The following TMPRSS15 variants were observed in gnomAD, a reference collection of about 807,000 sequenced individuals.
TMPRSS15 encodes the protein transmembrane serine protease 15, also known as enteropeptidase.
TMPRSS15 carries 128 observed loss-of-function variants against 125.3 expected under a neutral mutation model. That is an observed-to-expected ratio of 1.02 (90% CI 0.89 to 1.18). The LOEUF is 1.18. Ranked by LOEUF, TMPRSS15 falls within the 50% of genes most tolerant of loss-of-function variation. The pLI is 0.00. For synonymous variants in TMPRSS15, 446 were observed against 423.2 expected, an observed-to-expected ratio of 1.05 and a Z score of -0.66; for missense variants, 1,283 against 1,212.7, an observed-to-expected ratio of 1.06 and a Z score of -0.86.
intron 1 of TMPRSS15, among the ~76,000 whole-genome samples, chr21:18,409,234 T>C (rs2076159665): frequency 1.3e-5 from 2 of 152,128 alleles, no homozygotes; most frequent in South Asian, 4.1e-4. Context: ...ATGTGACATG[T>C]TTTATATCTG....
intron 18 of TMPRSS15, among the ~76,000 whole-genome samples, chr21:18,305,651 G>C (rs896053907): frequency 1.3e-5 from 2 of 152,128 alleles, no homozygotes; most frequent in Non-Finnish European, 2.9e-5. Context: ...TTCAAGAGCT[G>C]GTGTAGCTGC....
At chr21:18,401,504 C>G (rs979451863) in intron 1 of TMPRSS15, among the ~76,000 whole-genome samples, 10 of 152,118 alleles carry the variant, frequency 6.6e-5, no homozygotes, top group Admixed American at 2.6e-4. Context: ...ACCACATGTT[C>G]TCAAGCATAA....
In TMPRSS15 at chr21:18,311,409, G is replaced by A. The variant is rs371646701; in HGVS notation, c.2165+1536C>T. On this transcript the variant is annotated intron_variant, in intron 18 of 24. Transcript: ENST00000284885. ...GACAAGAAATAAAAACATATATTCC[G>A]ACTTTAAAAATAGGCAAATTATCTG... Among the ~76,000 whole-genome samples the A allele has an allele frequency of 7.2e-5, 11 of 151,972 alleles. No homozygotes were observed. In the South Asian group the frequency reaches 1.5e-3, roughly 20 times the overall value.
rs768481803 is a variant in TMPRSS15 at position 18,326,577 on chromosome 21, T to C, written c.1781-5A>G. The stretch of plus-strand genomic sequence containing the variant: ...GGCCAGGCCCTGTGTACACAGCTGT[T>C]CCAAAGGAAAACGAGATAATCAGTG... On this transcript the variant is annotated splice_polypyrimidine_tract_variant and splice_region_variant and intron_variant, in intron 15 of 24. Coordinates refer to ENST00000284885, the MANE Select transcript of TMPRSS15 (RefSeq NM_002772.3). 2 of 1,613,850 alleles carry C rather than the reference T, an allele frequency of 1.2e-6. No individual in the cohort carries two copies. The highest frequency in any genetic ancestry group is 1.7e-5 in the Admixed American group (1 of 59,984).
chr21:18,270,231 T>C, intron 24 of TMPRSS15, 107 bp from the exon 25 acceptor site: 1 of 997,092 alleles, frequency 1.0e-6, no homozygotes, highest in East Asian at 2.8e-5. Context: ...AATTAAAAAA[T>C]ATGATTTAAT....
At chr21:18,311,480 T>C (rs1294397481) in intron 18 of TMPRSS15, among the ~76,000 whole-genome samples, 1 of 152,020 alleles carries the variant, frequency 6.6e-6, no homozygotes, top group African/African-American at 2.4e-5. Flanking sequence ...CAACAGAATA[T>C]GAAAAAATGC....
At chr21:18,272,731 TAAATA>T (rs1184268201) in intron 24 of TMPRSS15, among the ~76,000 whole-genome samples, 1 of 151,856 alleles carries the variant, frequency 6.6e-6, no homozygotes, top group African/African-American at 2.4e-5. Context: ...GACTCAAAAA[TAAATA>T]AATAAATAAT....
intron 3 of TMPRSS15, among the ~76,000 whole-genome samples, chr21:18,392,467 T>G (rs995924964): frequency 2.6e-5 from 4 of 152,148 alleles, no homozygotes; most frequent in African/African-American, 9.7e-5. Context: ...CCATCTGAGA[T>G]CACCTCAACC....
At chr21:18,290,127 T>A (rs1490940942) in intron 21 of TMPRSS15, among the ~76,000 whole-genome samples, 1 of 152,218 alleles carries the variant, frequency 6.6e-6, no homozygotes, top group Non-Finnish European at 1.5e-5. Context: ...ATAGGAACAA[T>A]GTTTTTTGTT....
chr21:18,451,806 A>AGTGAGTTTAGAGC (rs1978343977), intron 1 of TMPRSS15, among the ~76,000 whole-genome samples: 1 of 152,064 alleles, frequency 6.6e-6, no homozygotes, highest in African/African-American at 2.4e-5. Context: ...AAGATACTAC[A>AGTGAGTTTAGAGC]CATTTTTGAC....
chr21:18,283,050 A>G (rs2146876161), intron 21 of TMPRSS15, among the ~76,000 whole-genome samples: 1 of 152,302 alleles, frequency 6.6e-6, no homozygotes, highest in East Asian at 1.9e-4. Context: ...GGTGCTGTAC[A>G]GGCTTGACAA....
intron 21 of TMPRSS15, among the ~76,000 whole-genome samples, chr21:18,283,862 C>T (rs547266724): frequency 1.4e-4 from 21 of 152,216 alleles, no homozygotes; most frequent in African/African-American, 4.8e-4. Flanking sequence ...TCAACATAAT[C>T]ACTGATATGA....
At chr21:18,339,530 A>G (rs761297487) in intron 13 of TMPRSS15, among the ~76,000 whole-genome samples, 23 of 152,176 alleles carry the variant, frequency 1.5e-4, no homozygotes, top group Non-Finnish European at 3.1e-4. Context: ...ATAATTTGGT[A>G]AAAGTATTAA....
intron 3 of TMPRSS15, among the ~76,000 whole-genome samples, chr21:18,391,292 C>A (rs1456505782): frequency 6.6e-6 from 1 of 152,236 alleles, no homozygotes; most frequent in Non-Finnish European, 1.5e-5. Flanking sequence ...AGACAAGGCT[C>A]TTCTGCCTAT....
At chr21:18,475,313 T>TA (rs1234730609) in intron 1 of TMPRSS15, among the ~76,000 whole-genome samples, 1 of 151,736 alleles carries the variant, frequency 6.6e-6, no homozygotes, top group Non-Finnish European at 1.5e-5. Context: ...CATAAAGAAA[T>TA]AAAAAACAAG....
intron 21 of TMPRSS15, among the ~76,000 whole-genome samples, chr21:18,281,947 A>G (rs2074703927): frequency 6.6e-6 from 1 of 151,720 alleles, no homozygotes; most frequent in Admixed American, 6.6e-5. Flanking sequence ...AATACAAAAA[A>G]TCAGCCGGGC....
chr21:18,314,464 G>T (rs745963245), intron 17 of TMPRSS15, among the ~76,000 whole-genome samples: 3 of 152,084 alleles, frequency 2.0e-5, no homozygotes, highest in African/African-American at 4.8e-5. Context: ...TTTTAGTAGA[G>T]ACAGGGTTTC....
chr21:18,371,476 A>G (rs994492370), intron 6 of TMPRSS15, among the ~76,000 whole-genome samples: 5 of 152,216 alleles, frequency 3.3e-5, no homozygotes, highest in Non-Finnish European at 7.4e-5. Flanking sequence ...AGAAATAAGT[A>G]AAAGAGTAAA....
intron 16 of TMPRSS15, among the ~76,000 whole-genome samples, chr21:18,318,589 T>C (rs1376707695): frequency 6.6e-6 from 1 of 152,190 alleles, no homozygotes; most frequent in Non-Finnish European, 1.5e-5. Flanking sequence ...TTGAATTAGA[T>C]GATATAAAAG....
Sources: allele counts gnomAD v4.1 joint callset (sites outside exome capture counted in the v4.1 genomes callset), GRCh38; gene constraint gnomAD v4.1.1; transcripts MANE v1.5; gene names NCBI Gene and HGNC (gene_info 2026-07-23, HGNC 2026-07-21).